Variants in POLE observed in about 807,000 individuals in gnomAD.
POLE encodes DNA polymerase epsilon catalytic subunit A.
In POLE, 188 loss-of-function variants were observed where a neutral mutation model predicts 279.2. That is an observed-to-expected ratio of 0.67 (90% confidence interval 0.60 to 0.76). The LOEUF (loss-of-function observed/expected upper bound fraction) is 0.76, where lower values mean the gene tolerates loss of function less well. POLE is among the 30% of genes least tolerant of loss of function. POLE has a pLI of 0.00. For synonymous variants in POLE, 1,214 were observed against 1,172.5 expected (o/e 1.04, Z -0.72); for missense variants, 2,703 against 3,016.7 (o/e 0.90, Z 2.44).
In POLE at chr12:132,625,001, G is replaced by C. The variant is rs531482240; in HGVS notation, c.6658-7C>G. ...CGCGGCACTTCAGGCAGACCTGAAA[G>C]GGAGCAGCCCCGATGGGCGCCAGCC... On this transcript the variant is annotated splice_region_variant and splice_polypyrimidine_tract_variant and intron_variant, in intron 47 of 48. Coordinates refer to ENST00000320574, the MANE Select transcript of POLE (RefSeq NM_006231.4). 1.9e-6 allele frequency: 3 copies of C among 1,611,680 alleles called. No homozygotes were observed. Among genetic ancestry groups the C allele is most frequent in the South Asian group, 2.2e-5 (2 of 91,012 alleles).
chr12:132,638,287 C>T (rs756214824), intron 40 of POLE, 148 bp from the exon 41 acceptor site: 37 of 529,826 alleles, frequency 7.0e-5, no homozygotes, highest in Admixed American at 2.4e-4. Flanking sequence ...TAATGAAGAG[C>T]AAAGATTTCT....
chr12:132,675,589 C>G lies in POLE; in HGVS notation c.1107-72G>C. ...AATGCCCCTTTCTCCATTCCTCCCT[C>G]AGACCCAGGGAGGAACCCAGACACG... is the stretch of plus-strand genomic sequence containing the variant. On this transcript the variant is annotated intron_variant, in intron 11 of 48. Transcript: ENST00000320574. The surrounding 1 kb of genome is among the most constrained non-coding windows in gnomAD (Gnocchi z 4.3). 6 of 1,600,384 alleles carry G rather than the reference C, an allele frequency of 3.7e-6. No homozygotes were observed. The highest frequency in any genetic ancestry group is 4.3e-6 in the Non-Finnish European group (5 of 1,171,442).
At chr12:132,672,920 A>G in intron 14 of POLE, 81 bp from the exon 15 acceptor site, 1 of 1,281,096 alleles carries the variant, frequency 7.8e-7, no homozygotes, top group South Asian at 1.3e-5. Flanking sequence ...ACCTAAGCTG[A>G]ACTTCAGTGT....
At position 132,656,000 on chromosome 12, in the gene POLE, TAAAAATTTAAAAA is replaced by T. The variant is rs568909330; in HGVS notation, c.3582+1123_3582+1135del. Among the ~76,000 whole-genome samples, 1,467 of 151,150 alleles carry T rather than the reference TAAAAATTTAAAAA, an allele frequency of 9.7e-3. 15 individuals are homozygous for T. Among genetic ancestry groups the T allele is most frequent in the Non-Finnish European group, 0.015 (1,016 of 67,886 alleles). The stretch of plus-strand genomic sequence containing the variant: ...CAACATGGTGAAACCCCGTCTCTAC[TAAAAATTTAAAAA>T]AAAAATTAAAAAAATAAAAATTAGC... On this transcript the variant is annotated intron_variant, in intron 29 of 48. Coordinates refer to ENST00000320574, the MANE Select transcript of POLE (RefSeq NM_006231.4).
chr12:132,632,318 G>T lies in POLE; in HGVS notation c.6327C>A (p.Cys2109Ter). 6.2e-7 allele frequency: 1 copy of T among 1,613,288 alleles called. No individual in the cohort carries two copies. Among genetic ancestry groups the T allele is most frequent in the Non-Finnish European group, 8.5e-7 (1 of 1,179,246 alleles). ...ACACGCACGCTGGCACTCTCACCTTGCACACGTATTTGATGAACTCCAGGG... is the reference window on the plus strand; with the variant it reads ...ACACGCACGCTGGCACTCTCACCTTTCACACGTATTTGATGAACTCCAGGG... Reference protein sequence around the residue: ...NPALEFIKYVCKVLSLDTNIT... With the variant: ...NPALEFIKYV Residue 2109 changes from cysteine to a stop codon, truncating the protein, a stop_gained, in exon 45 of 49, where the codon TGC becomes TGA. Transcript: ENST00000320574. LOFTEE classifies it high-confidence loss of function.
At chr12:132,669,636 A>C (rs1057460757) in intron 16 of POLE, among the ~76,000 whole-genome samples, 2 of 152,208 alleles carry the variant, frequency 1.3e-5, no homozygotes, top group Non-Finnish European at 2.9e-5. Flanking sequence ...CAGATAAACG[A>C]ATCAGCCGGG....
At chr12:132,648,788 C>T (rs1241021877) in intron 32 of POLE, 141 bp downstream of exon 32, 3 of 907,962 alleles carry the variant, frequency 3.3e-6, no homozygotes, top group East Asian at 2.5e-5. Context: ...GTGCTCAGCG[C>T]TCACACACGT....
intron 1 of POLE, among the ~76,000 whole-genome samples, chr12:132,683,736 C>G (rs539833845): frequency 1.2e-4 from 18 of 152,232 alleles, no homozygotes; most frequent in Admixed American, 1.1e-3. Context: ...TATGCCAGTC[C>G]TCCAAATATC....
chr12:132,644,105 G>A (rs1351146155), intron 32 of POLE, 128 bp from the exon 33 acceptor site: 16 of 792,420 alleles, frequency 2.0e-5, no homozygotes, highest in East Asian at 7.6e-5. Context: ...CACCCACCAC[G>A]CCACAGTCCA....
In POLE at chr12:132,634,963, G is replaced by A. The variant is rs1374859381; in HGVS notation, c.5812-585C>T. Among the ~76,000 whole-genome samples, 1 of 152,202 alleles carries A rather than the reference G, an allele frequency of 6.6e-6. No individual in the cohort carries two copies. The highest frequency in any genetic ancestry group is 1.5e-5 in the Non-Finnish European group (1 of 68,024). On this transcript the variant is annotated intron_variant, in intron 42 of 48. Coordinates refer to ENST00000320574, the MANE Select transcript of POLE (RefSeq NM_006231.4). This position sits in a 1 kb window ranked among gnomAD's most constrained non-coding sequence, Gnocchi z 4.0. Reference sequence around the variant, plus strand: ...CAACCAGAATCGCTCCCATCCAGGTGTCCTGGGCAGTCTTGGCTTCATCCT... The same window carrying A: ...CAACCAGAATCGCTCCCATCCAGGTATCCTGGGCAGTCTTGGCTTCATCCT...
At chr12:132,674,877 C>CT (rs2043010105) in intron 12 of POLE, among the ~76,000 whole-genome samples, 1 of 147,996 alleles carries the variant, frequency 6.8e-6, no homozygotes, top group African/African-American at 2.6e-5. Flanking sequence ...CCCTTCCCTC[C>CT]TTTCCTCCCT....
rs745555988 is a variant in POLE at position 132,657,340 on chromosome 12, C to G, written c.3459+9G>C. On this transcript the variant is annotated intron_variant, in intron 28 of 48. Transcript: ENST00000320574. ...GCCCCACAGCCCGTGCCACTGACCC[C>G]GCCCTTACCTGCTGCAGGGCCGCAG... is the stretch of plus-strand genomic sequence containing the variant. The G allele has an allele frequency of 4.3e-6, 7 of 1,614,064 alleles. No individual in the cohort carries two copies. In the South Asian group the frequency reaches 6.6e-5, roughly 15 times the overall value.
chr12:132,668,445 A>G lies in POLE; in HGVS notation c.2084T>C (p.Phe695Ser), dbSNP rs754857680. ...RIQHQLESEK[F>S]PPLFPEGPAR... ...TGGCCCCTCTGGGAACAAGGGGGGGAACTTCTCTGACTCCAGCTGGTGCTG... is the reference window on the plus strand; with the variant it reads ...TGGCCCCTCTGGGAACAAGGGGGGGGACTTCTCTGACTCCAGCTGGTGCTG... The change falls in exon 19 of 49, where the codon TTC becomes TCC. Residue 695 changes from phenylalanine to serine, a missense_variant. By Grantham distance (155) the Phe-to-Ser change is radical. Around this residue, in one of 5 missense-constraint regions of POLE, gnomAD observed 1,011 missense variants for 1,111.7 expected, o/e 0.91. Transcript: ENST00000320574. The surrounding 1 kb of genome is among the most constrained non-coding windows in gnomAD (Gnocchi z 4.0). 6.2e-7 allele frequency: 1 copy of G among 1,611,280 alleles called. No homozygotes were observed. The highest frequency in any genetic ancestry group is 8.5e-7 in the Non-Finnish European group (1 of 1,178,600).
chr12:132,646,994 T>C (rs7953954), intron 32 of POLE, among the ~76,000 whole-genome samples: 8,210 of 152,190 alleles, frequency 0.054, 310 homozygotes, highest in Admixed American at 0.13. Flanking sequence ...GCACTGCGCC[T>C]GGCCAACACA....
intron 41 of POLE, among the ~76,000 whole-genome samples, chr12:132,637,042 C>T (rs1005176128): frequency 8.5e-5 from 13 of 152,302 alleles, no homozygotes; most frequent in Admixed American, 2.6e-4. Context: ...AGCCATGCTC[C>T]GAAATACAAT....
chr12:132,626,465 T>A, intron 45 of POLE, 148 bp from the exon 46 acceptor site: 1 of 676,698 alleles, frequency 1.5e-6, no homozygotes, highest in South Asian at 1.9e-5. Flanking sequence ...AGCTGACTTC[T>A]CTACATTAGC....
chr12:132,675,990 T>G lies in POLE; in HGVS notation c.1020+104A>C, dbSNP rs866254631. 1.6e-5 allele frequency: 15 copies of G among 940,802 alleles called. No individual in the cohort carries two copies. Among genetic ancestry groups the G allele is most frequent in the African/African-American group, 1.1e-4 (7 of 61,056 alleles). The allele number at this position is 940,802 out of a possible 1,614,324, so 58.3% of individuals were successfully genotyped here. On this transcript the variant is annotated intron_variant, in intron 10 of 48. Transcript: ENST00000320574. This position sits in a 1 kb window ranked among gnomAD's most constrained non-coding sequence, Gnocchi z 4.3. Reference sequence around the variant, plus strand: ...GGTCATACCCTGAGAACAAAGCTCATGGAGCTGCAATTCTGATCTGACGGA... The same window carrying G: ...GGTCATACCCTGAGAACAAAGCTCAGGGAGCTGCAATTCTGATCTGACGGA...
Position 132,672,953 on chromosome 12 carries a change from T to C in POLE, c.1474-114A>G, listed in dbSNP as rs2042965202. 12 of 984,758 alleles carry C rather than the reference T, an allele frequency of 1.2e-5. No individual in the cohort carries two copies. The South Asian group carries it at 1.8e-4, about 15-fold the overall frequency. 61.0% of individuals were successfully genotyped at this position (984,758 alleles called of 1,614,324 possible). Reference sequence around the variant, plus strand: ...TGTGAAAGGAGAGAAAACCTCGTGGTAAATGGCTGCAAATTCTGCCTCCTG... The same window carrying C: ...TGTGAAAGGAGAGAAAACCTCGTGGCAAATGGCTGCAAATTCTGCCTCCTG... On this transcript the variant is annotated intron_variant, in intron 14 of 48. Coordinates refer to ENST00000320574, the MANE Select transcript of POLE (RefSeq NM_006231.4).
intron 25 of POLE, chr12:132,659,716 A>T: frequency 1.8e-6 from 1 of 555,298 alleles, no homozygotes; most frequent in Non-Finnish European, 3.2e-6. Context: ...TTTTTGAGAC[A>T]GAGTCTCATT....
Sources: gnomAD v4.1 joint callset for allele counts (sites outside exome capture counted in the v4.1 genomes callset) on GRCh38, gnomAD v4.1.1 for gene constraint, gnomAD v4.1.1 regional missense constraint, Gnocchi (gnomAD v3.1) non-coding constraint, MANE v1.5 for transcripts, NCBI Gene and HGNC (gene_info 2026-07-23, HGNC 2026-07-21) for gene names.